DNAH1: variants seen among roughly 807,000 people sequenced by gnomAD.
DNAH1 encodes axonemal beta dynein heavy chain 1.
A neutral mutation model predicts 484.3 loss-of-function variants in DNAH1; 327 were observed. The observed-to-expected ratio is 0.68, with a 90% CI of 0.62 to 0.74. DNAH1 has a LOEUF of 0.74. Among genes scored for constraint, DNAH1 ranks in the 30% least tolerant of loss-of-function variants. The pLI is 0.00. For synonymous variants in DNAH1, 2,192 were observed against 2,191.9 expected, an observed-to-expected ratio of 1.00 and a Z score of 0.00; for missense variants, 5,052 against 5,546.8, an observed-to-expected ratio of 0.91 and a Z score of 2.83.
Position 52,347,809 on chromosome 3 carries a change from C to T in DNAH1, c.1956-15C>T, listed in dbSNP as rs750320165. ...CCTAGGCCTCTGCCCACAGTCAGCT[C>T]GCCATTGCCTGCAGGCCCCGGAAGA... On this transcript the variant is annotated splice_polypyrimidine_tract_variant and intron_variant, in intron 11 of 77. Transcript: ENST00000420323. 17 of 1,563,042 alleles carry T rather than the reference C, an allele frequency of 1.1e-5. No homozygotes were observed. Among genetic ancestry groups the T allele is most frequent in the East Asian group, 9.3e-5 (4 of 42,894 alleles).
Position 52,362,089 on chromosome 3 carries a change from C to T in DNAH1, c.4981-299C>T, listed in dbSNP as rs1702888778. Among the ~76,000 whole-genome samples, 1 of 152,230 alleles carries T rather than the reference C, an allele frequency of 6.6e-6. No homozygotes were observed. The highest frequency in any genetic ancestry group is 2.1e-4 in the South Asian group (1 of 4,834). Reference sequence around the variant, plus strand: ...TAGCAGTTATCCCCTCCCCCACTTCCCCTAGTCAGGCTGAGCTTGGCTGGA... The same window carrying T: ...TAGCAGTTATCCCCTCCCCCACTTCTCCTAGTCAGGCTGAGCTTGGCTGGA... On this transcript the variant is annotated intron_variant, in intron 30 of 77. Coordinates refer to ENST00000420323, the MANE Select transcript of DNAH1 (RefSeq NM_015512.5). This position sits in a 1 kb window ranked among gnomAD's most constrained non-coding sequence, Gnocchi z 5.1.
chr3:52,396,238 C>T (rs1683782034), intron 70 of DNAH1, 130 bp from the exon 71 acceptor site: 2 of 1,068,162 alleles, frequency 1.9e-6, no homozygotes, highest in South Asian at 3.2e-5. Context: ...CAGCCAAAAG[C>T]CCAATTCTTA....
Position 52,380,003 on chromosome 3 carries a change from C to G in DNAH1, c.7476C>G (p.Leu2492=). The change falls in exon 48 of 78, where the codon CTC becomes CTG. Residue 2492 remains leucine (L), a synonymous_variant. Transcript: ENST00000420323. ...AGGACCGCAGCTGGTTCGACCAGCT[C>G]CTCAAGCGCTGCATGGAGCAGTGGG... ...NEEDRSWFDQ[L]LKRCMEQWEV... is the part of the protein sequence containing the mutation. 1.3e-6 allele frequency: 2 copies of G among 1,592,584 alleles called. No individual in the cohort carries two copies. The highest frequency in any genetic ancestry group is 1.7e-6 in the Non-Finnish European group (2 of 1,169,736).
At chr3:52,330,519 G>A (rs986540005) in intron 6 of DNAH1, among the ~76,000 whole-genome samples, 3 of 152,254 alleles carry the variant, frequency 2.0e-5, no homozygotes, top group African/African-American at 7.2e-5. Flanking sequence ...GTGGGAACAA[G>A]GTCGAAACTC....
Position 52,353,360 on chromosome 3 carries a change from G to A in DNAH1, c.3227-20G>A, listed in dbSNP as rs369219063. ...TGCCTCTGCCGCCTGCCTCTCATGC[G>A]TTTCTGTCTTACCCGGCAGCCTGCC... On this transcript the variant is annotated intron_variant, in intron 19 of 77. Coordinates refer to ENST00000420323, the MANE Select transcript of DNAH1 (RefSeq NM_015512.5). This position sits in a 1 kb window ranked among gnomAD's most constrained non-coding sequence, Gnocchi z 5.0. 95 of 1,608,806 alleles carry A rather than the reference G, an allele frequency of 5.9e-5. No individual in the cohort carries two copies. Among genetic ancestry groups the A allele is most frequent in the Middle Eastern group, 1.7e-4 (1 of 6,048 alleles).
intron 8 of DNAH1, among the ~76,000 whole-genome samples, chr3:52,333,375 T>TTTTC (rs1004075862): frequency 2.3e-4 from 34 of 149,038 alleles, no homozygotes; most frequent in African/African-American, 8.7e-4. Context: ...TTTCCTTTTC[T>TTTTC]TTTCTTTCTT....
Position 52,399,787 on chromosome 3 carries a change from GCCTGGGA to G in DNAH1, c.12676+9_12676+15del. The G allele has an allele frequency of 6.2e-7, 1 of 1,612,800 alleles. No homozygotes were observed. Among genetic ancestry groups the G allele is most frequent in the Non-Finnish European group, 8.5e-7 (1 of 1,179,216 alleles). Reference sequence around the variant, plus strand: ...AGACACTGACTCGTGCTGGTATGAGGCCTGGGATGGGAGCCTACACTATGGGCGGGGA... The same window carrying G: ...AGACACTGACTCGTGCTGGTATGAGGTGGGAGCCTACACTATGGGCGGGGA... On this transcript the variant is annotated intron_variant, in intron 77 of 77. Coordinates refer to ENST00000420323, the MANE Select transcript of DNAH1 (RefSeq NM_015512.5).
Position 52,345,721 on chromosome 3 carries a change from A to G in DNAH1, c.1656+15A>G, listed in dbSNP as rs764536393. 1.2e-5 allele frequency: 20 copies of G among 1,607,338 alleles called. No individual in the cohort carries two copies. Among genetic ancestry groups the G allele is most frequent in the South Asian group, 4.5e-5 (4 of 89,746 alleles). On this transcript the variant is annotated intron_variant, in intron 10 of 77. Coordinates refer to ENST00000420323, the MANE Select transcript of DNAH1 (RefSeq NM_015512.5). The stretch of plus-strand genomic sequence containing the variant: ...CCTTCTCCCAGGTTTGTGGGCATCA[A>G]GGGCACAGGGGGCAAACGCAGGGCA...
chr3:52,396,415 G>A lies in DNAH1; in HGVS notation c.11307G>A (p.Lys3769=), dbSNP rs767374145. Residue 3769 remains lysine (K), a synonymous_variant, in exon 71 of 78, where the codon AAG becomes AAA. Coordinates refer to ENST00000420323, the MANE Select transcript of DNAH1 (RefSeq NM_015512.5). The part of the protein sequence containing the change: ...RLWLTSLPSN[K]FPVSILQNGS... ...GGCTCACCAGCCTGCCCAGCAACAAGTTCCCAGTGTCCATCCTGCAGAACG... is the reference window on the plus strand; with the variant it reads ...GGCTCACCAGCCTGCCCAGCAACAAATTCCCAGTGTCCATCCTGCAGAACG... 1.3e-5 allele frequency: 21 copies of A among 1,590,548 alleles called. No individual in the cohort carries two copies. The Admixed American group carries it at 3.5e-4, about 27-fold the overall frequency.
intron 16 of DNAH1, among the ~76,000 whole-genome samples, chr3:52,351,723 G>A (rs1320335286): frequency 2.0e-5 from 3 of 152,216 alleles, no homozygotes; most frequent in Admixed American, 6.5e-5. Flanking sequence ...CATCTCACTG[G>A]ATGCAGACTG....
intron 8 of DNAH1, among the ~76,000 whole-genome samples, chr3:52,339,530 T>C (rs780531367): frequency 1.1e-4 from 16 of 152,168 alleles, no homozygotes; most frequent in Non-Finnish European, 2.1e-4. Context: ...GCTGAAGTAT[T>C]GTGTTACAGT....
In DNAH1 at chr3:52,359,335, T is replaced by C. The variant is rs773318934; in HGVS notation, c.4356T>C (p.Ala1452=). Residue 1452 remains alanine (A), a synonymous_variant, in exon 26 of 78, where the codon GCT becomes GCC. Transcript: ENST00000420323. The part of the protein sequence containing the change: ...QTYWTMEVAE[A]LEAGNLRSQL... ...ACTGGACCATGGAGGTGGCAGAGGC[T>C]CTGGAGGCCGGCAACCTCAGAAGCC... The C allele has an allele frequency of 3.2e-6, 5 of 1,570,064 alleles. No homozygotes were observed. In the South Asian group the frequency reaches 4.7e-5, roughly 15 times the overall value.
intron 1 of DNAH1, 32 bp downstream of exon 1, chr3:52,316,577 A>G (rs1700959110): frequency 6.6e-6 from 1 of 152,276 alleles, no homozygotes; most frequent in Non-Finnish European, 1.5e-5. Flanking sequence ...GCAGGAGTGG[A>G]TGGAGACAGG....
chr3:52,365,660 G>A (rs898316255), intron 34 of DNAH1, among the ~76,000 whole-genome samples: 3 of 152,130 alleles, frequency 2.0e-5, no homozygotes, highest in Non-Finnish European at 1.5e-5. Context: ...GTCCTTTGGT[G>A]GGCCTGCAGG....
In DNAH1 at chr3:52,398,112, A is replaced by T; in HGVS notation, c.12039A>T (p.Pro4013=). 1 of 1,613,884 alleles carries T rather than the reference A, an allele frequency of 6.2e-7. No homozygotes were observed. Among genetic ancestry groups the T allele is most frequent in the African/African-American group, 1.3e-5 (1 of 75,064 alleles). ...INLQWVMAKY[P]VLYEESMNTV... ...TGCAATGGGTGATGGCCAAGTACCC[A>T]GTGCTGTATGAGGAATCAATGAACA... The change falls in exon 75 of 78, where the codon CCA becomes CCT. Residue 4013 remains proline (P), a synonymous_variant. Coordinates refer to ENST00000420323, the MANE Select transcript of DNAH1 (RefSeq NM_015512.5).
rs751969729 is a variant in DNAH1 at position 52,361,332 on chromosome 3, G to A, written c.4854G>A (p.Lys1618=). ...SDQLDFMAMG[K]FFKGLASAGA... is the part of the protein sequence containing the mutation. ...AGCTCGACTTCATGGCCATGGGCAA[G>A]TTCTTCAAGGGCCTGGCCAGGTGAG... The change falls in exon 29 of 78, where the codon AAG becomes AAA. Residue 1618 remains lysine (K), a synonymous_variant. Coordinates refer to ENST00000420323, the MANE Select transcript of DNAH1 (RefSeq NM_015512.5). The surrounding 1 kb of genome is among the most constrained non-coding windows in gnomAD (Gnocchi z 5.6). The A allele has an allele frequency of 6.3e-7, 1 of 1,595,046 alleles. No homozygotes were observed. Among genetic ancestry groups the A allele is most frequent in the Non-Finnish European group, 8.5e-7 (1 of 1,170,662 alleles).
chr3:52,323,750 G>A, intron 2 of DNAH1, 58 bp from the exon 3 acceptor site: 1 of 1,464,818 alleles, frequency 6.8e-7, no homozygotes, highest in Non-Finnish European at 9.3e-7. Flanking sequence ...GTCCCTCCCG[G>A]GTCCTGCCTG....
At chr3:52,319,892 C>A (rs1371694116) in intron 1 of DNAH1, among the ~76,000 whole-genome samples, 1 of 152,232 alleles carries the variant, frequency 6.6e-6, no homozygotes, top group Non-Finnish European at 1.5e-5. Context: ...TGCATCCCCC[C>A]CACTGCCAGC....
intron 66 of DNAH1, 145 bp downstream of exon 66, chr3:52,393,630 A>T: frequency 7.8e-7 from 1 of 1,286,502 alleles, no homozygotes; most frequent in South Asian, 1.4e-5. Flanking sequence ...GATTAAAAGC[A>T]GCCAGGGCCG....
Sources: allele counts gnomAD v4.1 joint callset (sites outside exome capture counted in the v4.1 genomes callset), GRCh38; gene constraint gnomAD v4.1.1; non-coding constraint Gnocchi (gnomAD v3.1); transcripts MANE v1.5; gene names NCBI Gene and HGNC (gene_info 2026-07-23, HGNC 2026-07-21).